SP140: variants seen among roughly 807,000 people sequenced by gnomAD.
SP140 encodes SP140 nuclear body protein.
In SP140, 81 loss-of-function variants were observed where a neutral mutation model predicts 125.0. That is an observed-to-expected ratio of 0.65 (90% CI 0.54 to 0.78). The LOEUF (loss-of-function observed/expected upper bound fraction) is 0.78, where lower values mean the gene tolerates loss of function less well. SP140 is among the 30% of genes least tolerant of loss of function. SP140 has a pLI of 0.00. For missense variants in SP140, 858 were observed against 1,037.0 expected (o/e 0.83, Z 2.37); for synonymous variants, 312 against 354.0 (o/e 0.88, Z 1.33).
At chr2:230,194,728 G>T in the SP140 span, among the ~76,000 whole-genome samples, 1 of 152,186 alleles carries the variant, frequency 6.6e-6, no homozygotes, top group Non-Finnish European at 1.5e-5. Flanking sequence ...TGGGGATTTA[G>T]GTTTCTTGTG....
chr2:230,228,254 T>C (rs544937968), intron 1 of SP140, among the ~76,000 whole-genome samples: 1 of 152,332 alleles, frequency 6.6e-6, no homozygotes, highest in East Asian at 1.9e-4. Flanking sequence ...GAGAACAAAC[T>C]TTTAGGATTT....
rs181536520 is a variant in SP140, at chr2:230,285,989, G to T, written c.1645+157G>T. Among the ~76,000 whole-genome samples, 5 of 152,246 alleles carry T rather than the reference G, an allele frequency of 3.3e-5. No homozygotes were observed. The East Asian group carries it at 7.7e-4, about 23-fold the overall frequency. On this transcript the variant is annotated intron_variant, in intron 17 of 26. Coordinates refer to ENST00000392045, the MANE Select transcript of SP140 (RefSeq NM_007237.5). The stretch of plus-strand genomic sequence containing the variant: ...AAAGAGCAAACTCATTATAAGCAGG[G>T]GTTGTAAGTTGATTGTATTCATATC...
intron 11 of SP140, among the ~76,000 whole-genome samples, chr2:230,253,701 G>C (rs1408526406): frequency 6.6e-6 from 1 of 152,178 alleles, no homozygotes; most frequent in East Asian, 1.9e-4. Context: ...AAGTTCCTGG[G>C]TGATGTTATT....
At chr2:230,288,017 T>C (rs1478311118) in intron 18 of SP140, 51 bp downstream of exon 18, 1 of 1,461,434 alleles carries the variant, frequency 6.8e-7, no homozygotes, top group East Asian at 2.3e-5. Flanking sequence ...TCTAATTTCC[T>C]GTGCGGTACA....
chr2:230,287,130 A>G (rs889704146), intron 17 of SP140, among the ~76,000 whole-genome samples: 4 of 152,222 alleles, frequency 2.6e-5, no homozygotes, highest in African/African-American at 7.2e-5. Flanking sequence ...AGTGTCTGCC[A>G]TGTCAATCCT....
chr2:230,300,464 A>G (rs1293899527), intron 22 of SP140, among the ~76,000 whole-genome samples: 1 of 152,154 alleles, frequency 6.6e-6, no homozygotes, highest in African/African-American at 2.4e-5. Context: ...CTGAAGACAG[A>G]TCACATCACA....
At chr2:230,295,601 T>C (rs2057628769) in intron 21 of SP140, among the ~76,000 whole-genome samples, 1 of 152,164 alleles carries the variant, frequency 6.6e-6, no homozygotes, top group Admixed American at 6.5e-5. Context: ...GAAGGTCCCT[T>C]AAGTGGCAGA....
chr2:230,226,672 T>C (rs1574855553), intron 1 of SP140, among the ~76,000 whole-genome samples: 1 of 147,018 alleles, frequency 6.8e-6, no homozygotes, highest in Admixed American at 7.0e-5. Flanking sequence ...TGAGGCAGGA[T>C]AATCGCTTGA....
chr2:230,288,689 G>A (rs1042543823), intron 18 of SP140, among the ~76,000 whole-genome samples: 5 of 151,836 alleles, frequency 3.3e-5, no homozygotes, highest in Admixed American at 2.6e-4. Flanking sequence ...CTTATTGTTC[G>A]ACTTCCACTT....
chr2:230,312,922 T>C lies in SP140; in HGVS notation c.*238T>C, dbSNP rs2059434524. On this transcript the variant is annotated 3_prime_UTR_variant, in exon 27 of 27. Coordinates refer to ENST00000392045, the MANE Select transcript of SP140 (RefSeq NM_007237.5). ...TAAGTGGGATCACAGGGAAGGATGT[T>C]GGCAGCGACACCATCCCATACAGGC... 6 of 399,800 alleles carry C rather than the reference T, an allele frequency of 1.5e-5. No individual in the cohort carries two copies. The highest frequency in any genetic ancestry group is 1.4e-4 in the South Asian group (6 of 42,574). The allele number at this position is 399,800 out of a possible 1,614,324, so 24.8% of individuals were successfully genotyped here.
intron 22 of SP140, among the ~76,000 whole-genome samples, chr2:230,307,570 C>T (rs566377744): frequency 6.6e-6 from 1 of 152,340 alleles, no homozygotes; most frequent in South Asian, 2.1e-4. Context: ...TTGCAGTGTG[C>T]CTGGTCCAGA....
At chr2:230,186,173 G>A in the SP140 span, 24 of 1,612,342 alleles carry the variant, frequency 1.5e-5, no homozygotes, top group Non-Finnish European at 2.0e-5. Flanking sequence ...GAATAGTTTA[G>A]TGAGCTCCCT....
At chr2:230,195,000 C>T in the SP140 span, among the ~76,000 whole-genome samples, 1 of 151,716 alleles carries the variant, frequency 6.6e-6, no homozygotes, top group Non-Finnish European at 1.5e-5. Context: ...GGTGAGGGGC[C>T]TGATAAACAC....
upstream of SP140, chr2:230,221,753 G>A: frequency 6.5e-7 from 1 of 1,535,046 alleles, no homozygotes. Flanking sequence ...GGCATCTGAG[G>A]ATCCTGGCAG....
chr2:230,255,561 C>T (rs2051055172), intron 12 of SP140, 29 bp downstream of exon 12: 1 of 1,603,724 alleles, frequency 6.2e-7, no homozygotes, highest in African/African-American at 1.3e-5. Flanking sequence ...ATTTCTGGCC[C>T]TGGGCTGCAG....
At chr2:230,260,705 T>C (rs918043435) in intron 12 of SP140, among the ~76,000 whole-genome samples, 50 of 152,348 alleles carry the variant, frequency 3.3e-4, no homozygotes, top group Middle Eastern at 3.4e-3. Flanking sequence ...AGGGTGTCCT[T>C]TCCCCACTTT....
At chr2:230,214,901 T>C (rs1345924198) in intron 3 of SP140, 1 of 1,530,996 alleles carries the variant, frequency 6.5e-7, no homozygotes. Context: ...CCCAGACTTT[T>C]ACCATAGCAA....
intron 15 of SP140, among the ~76,000 whole-genome samples, chr2:230,275,829 T>G (rs1175268704): frequency 6.6e-6 from 1 of 152,124 alleles, no homozygotes; most frequent in African/African-American, 2.4e-5. Flanking sequence ...AATAAGAAAG[T>G]AGAACAGTCT....
At chr2:230,225,614 C>T (rs967165566), upstream of SP140, 39 of 589,188 alleles carry the variant, frequency 6.6e-5, no homozygotes, top group South Asian at 6.5e-4. Flanking sequence ...CCCTGTCTTC[C>T]GTGGCCTCGT....
Sources: gnomAD v4.1 joint callset for allele counts (sites outside exome capture counted in the v4.1 genomes callset) on GRCh38, gnomAD v4.1.1 for gene constraint, MANE v1.5 for transcripts, NCBI Gene and HGNC (gene_info 2026-07-23, HGNC 2026-07-21) for gene names.